Variants in MRPS9 observed in about 807,000 individuals in gnomAD.
MRPS9 encodes the protein mitochondrial ribosomal protein S9.
Under a neutral mutation model 59.9 loss-of-function variants are expected in MRPS9, and 45 were observed. The observed-to-expected ratio is 0.75, with a 90% CI of 0.59 to 0.96. The LOEUF is 0.96. MRPS9 is among the 40% of genes least tolerant of loss of function. The probability of loss-of-function intolerance (pLI) is 0.00; values close to 1 mark genes in which losing one functional copy is unlikely to be tolerated. For synonymous variants in MRPS9, 171 were observed against 166.8 expected (o/e 1.03, Z -0.19); for missense variants, 473 against 481.1 (o/e 0.98, Z 0.16).
chr2:105,038,500 CTAAG>C (rs1310215312), intron 1 of MRPS9: 1 of 447,126 alleles, frequency 2.2e-6, no homozygotes, highest in South Asian at 2.2e-5. Flanking sequence ...GGCTGCTGAG[CTAAG>C]TAAGGGTCGG....
At chr2:105,072,915 A>T (rs1197240548) in intron 4 of MRPS9, among the ~76,000 whole-genome samples, 1 of 152,200 alleles carries the variant, frequency 6.6e-6, no homozygotes, top group Admixed American at 6.5e-5. Flanking sequence ...ATGGTTGATT[A>T]TAAATTATAC....
chr2:105,098,230 T>C (rs1680710652), intron 10 of MRPS9: 2 of 152,182 alleles, frequency 1.3e-5, no homozygotes, highest in African/African-American at 4.8e-5. Flanking sequence ...TTGGAATAAA[T>C]TGGGGAAGTT....
chr2:105,054,618 C>T (rs1468261194), intron 2 of MRPS9, among the ~76,000 whole-genome samples: 1 of 147,002 alleles, frequency 6.8e-6, no homozygotes, highest in South Asian at 2.3e-4. Context: ...ATAGCGGGCC[C>T]CTTTTGGTAT....
Position 105,063,424 on chromosome 2 carries a change from CTCTAA to C in MRPS9, c.316-7882_316-7878del, listed in dbSNP as rs368581319. 4.4e-3 allele frequency among the ~76,000 whole-genome samples: 669 copies of C among 152,314 alleles called. 6 individuals are homozygous for C. Among genetic ancestry groups the C allele is most frequent in the African/African-American group, 0.015 (608 of 41,574 alleles). On this transcript the variant is annotated intron_variant, in intron 2 of 10. Coordinates refer to ENST00000258455, the MANE Select transcript of MRPS9 (RefSeq NM_182640.3). ...ACCAGAATTGAGAAATATCAAAACA[CTCTAA>C]TCTAATAGCAACAGCAGTAAATACT...
At chr2:105,090,141 C>CAAAACAAA in intron 7 of MRPS9, 146 bp downstream of exon 7, 1 of 489,958 alleles carries the variant, frequency 2.0e-6, no homozygotes, top group Non-Finnish European at 3.6e-6. Flanking sequence ...CAAAACAAAA[C>CAAAACAAA]AAAACAAAAA....
At chr2:105,043,128 C>T (rs571555840) in intron 1 of MRPS9, among the ~76,000 whole-genome samples, 1 of 152,294 alleles carries the variant, frequency 6.6e-6, no homozygotes, top group East Asian at 1.9e-4. Flanking sequence ...TTACCTATTT[C>T]ATGTTCAAAT....
chr2:105,048,835 T>C (rs1679656914), intron 1 of MRPS9, among the ~76,000 whole-genome samples: 1 of 151,962 alleles, frequency 6.6e-6, no homozygotes, highest in African/African-American at 2.4e-5. Context: ...TTATCCCATG[T>C]GTCAAATATC....
chr2:105,079,862 GA>G (rs1235279435), intron 4 of MRPS9, 120 bp from the exon 5 acceptor site: 7 of 519,990 alleles, frequency 1.3e-5, no homozygotes, highest in South Asian at 3.9e-5. Context: ...AAATGTTGGT[GA>G]TTTTTTTGTA....
chr2:105,061,959 T>C (rs1679914794), intron 2 of MRPS9, among the ~76,000 whole-genome samples: 1 of 152,188 alleles, frequency 6.6e-6, no homozygotes, highest in Non-Finnish European at 1.5e-5. Flanking sequence ...TATGTTTTTC[T>C]TTCTAGTAGC....
In MRPS9 at chr2:105,078,315, A is replaced by AGTGTGTGTGTGTGTGT. The variant is rs71250682; in HGVS notation, c.410-1657_410-1642dup. 4.8e-3 allele frequency among the ~76,000 whole-genome samples: 715 copies of AGTGTGTGTGTGTGTGT among 147,448 alleles called. 2 individuals carry two copies. The highest frequency in any genetic ancestry group is 6.9e-3 in the Middle Eastern group (2 of 290). ...TGATACCTTAGGTTCGGTGAAGTCAAGTGTGTGTGTGTGTGTGTGTGTGTG... is the reference window on the plus strand; with the variant it reads ...TGATACCTTAGGTTCGGTGAAGTCAAGTGTGTGTGTGTGTGTGTGTGTGTGTGTGTGTGTGTGTGTG... On this transcript the variant is annotated intron_variant, in intron 4 of 10. Coordinates refer to ENST00000258455, the MANE Select transcript of MRPS9 (RefSeq NM_182640.3).
At chr2:105,069,965 T>G (rs1244526689) in intron 2 of MRPS9, among the ~76,000 whole-genome samples, 1 of 151,998 alleles carries the variant, frequency 6.6e-6, no homozygotes, top group Non-Finnish European at 1.5e-5. Context: ...GTGAGCATGA[T>G]TGTGTCACTG....
At chr2:105,082,985 T>C (rs73945035) in intron 5 of MRPS9, among the ~76,000 whole-genome samples, 29,952 of 152,224 alleles carry the variant, frequency 0.2, 3,070 homozygotes, top group Middle Eastern at 0.34. Context: ...AGTTTCTCAA[T>C]GCATCATTGA....
At chr2:105,096,909 C>CA (rs1189555854) in intron 9 of MRPS9, 10 of 283,658 alleles carry the variant, frequency 3.5e-5, no homozygotes. Flanking sequence ...AGGGGATCAG[C>CA]AAACAGTAAG....
intron 2 of MRPS9, among the ~76,000 whole-genome samples, chr2:105,052,093 T>C (rs1195889802): frequency 7.0e-6 from 1 of 143,668 alleles, no homozygotes; most frequent in Non-Finnish European, 1.6e-5. Flanking sequence ...ACTTCATTTT[T>C]CCTATTTGGA....
At chr2:105,051,682 C>G (rs59342889) in intron 2 of MRPS9, among the ~76,000 whole-genome samples, 30,850 of 151,904 alleles carry the variant, frequency 0.2, 3,219 homozygotes, top group Middle Eastern at 0.35. Flanking sequence ...ATGGGGTGTC[C>G]CTCTATAGAT....
At chr2:105,094,961 G>C (rs1024650484) in intron 9 of MRPS9, among the ~76,000 whole-genome samples, 1 of 152,108 alleles carries the variant, frequency 6.6e-6, no homozygotes, top group Non-Finnish European at 1.5e-5. Flanking sequence ...GGACATCTAT[G>C]TCTCCAGTCT....
intron 5 of MRPS9, 81 bp downstream of exon 5, chr2:105,080,143 G>C (rs1680301577): frequency 1.1e-6 from 1 of 895,786 alleles, no homozygotes; most frequent in Admixed American, 2.5e-5. Context: ...CGCAGCTTCA[G>C]AATTTACCTA....
chr2:105,071,556 C>A, intron 4 of MRPS9, 67 bp downstream of exon 4: 1 of 1,491,328 alleles, frequency 6.7e-7, no homozygotes, highest in Non-Finnish European at 9.2e-7. Context: ...GGTTATGTAT[C>A]AGCGGTTGCT....
At chr2:105,053,149 C>T (rs1679741402) in intron 2 of MRPS9, among the ~76,000 whole-genome samples, 1 of 152,186 alleles carries the variant, frequency 6.6e-6, no homozygotes, top group Non-Finnish European at 1.5e-5. Flanking sequence ...GTAATTTTAT[C>T]TGAAGGTATA....
Sources: allele counts gnomAD v4.1 joint callset (sites outside exome capture counted in the v4.1 genomes callset), GRCh38; gene constraint gnomAD v4.1.1; transcripts MANE v1.5; gene names NCBI Gene and HGNC (gene_info 2026-07-23, HGNC 2026-07-21).